TARBP1: variants seen among roughly 807,000 people sequenced by gnomAD.
TARBP1 encodes tRNA (guanosine(18)-2'-O)-methyltransferase TARBP1.
In TARBP1, 144 loss-of-function variants were observed where a neutral mutation model predicts 178.6. The ratio of observed to expected loss-of-function variants is 0.81; its 90% CI spans 0.70 to 0.93. The LOEUF (loss-of-function observed/expected upper bound fraction) is 0.93, where lower values mean the gene tolerates loss of function less well. TARBP1 is among the 40% of genes least tolerant of loss of function. The probability of loss-of-function intolerance (pLI) is 0.00; values close to 1 mark genes in which losing one functional copy is unlikely to be tolerated. For missense variants in TARBP1, 2,067 were observed against 2,011.7 expected (o/e 1.03, Z -0.53); for synonymous variants, 787 against 781.0 (o/e 1.01, Z -0.13).
chr1:234,435,322 C>A (rs1046442478), intron 13 of TARBP1, among the ~76,000 whole-genome samples: 1 of 151,890 alleles, frequency 6.6e-6, no homozygotes, highest in Non-Finnish European at 1.5e-5. Flanking sequence ...ACTAAAAATA[C>A]AAAAATACAA....
At chr1:234,413,224 A>T (rs1335480009) in intron 22 of TARBP1, among the ~76,000 whole-genome samples, 1 of 152,160 alleles carries the variant, frequency 6.6e-6, no homozygotes, top group Non-Finnish European at 1.5e-5. Flanking sequence ...CAACACACAC[A>T]TCACGAAAAA....
In TARBP1 at chr1:234,418,183, G is replaced by A. The variant is rs12087572; in HGVS notation, c.3606C>T (p.Asn1202=). 2,254 of 1,552,912 alleles carry A rather than the reference G, an allele frequency of 1.5e-3. 28 individuals carry two copies. In the African/African-American group the frequency reaches 0.029, roughly 20 times the overall value. Reference sequence around the variant, plus strand: ...TAAAATATTTTATGGATGCTTGATTGTTGGTGAAACCAGCCTGGAAAATCC... The same window carrying A: ...TAAAATATTTTATGGATGCTTGATTATTGGTGAAACCAGCCTGGAAAATCC... ...IDRIFQAGFT[N]NQASIKYFIE... is the part of the protein sequence containing the mutation. The change falls in exon 22 of 30, where the codon AAC becomes AAT. Residue 1202 remains asparagine, a synonymous_variant. Transcript: ENST00000040877.
rs1312036541 is a variant in TARBP1 at position 234,406,113 on chromosome 1, C to A, written c.3793-14G>T. On this transcript the variant is annotated splice_polypyrimidine_tract_variant and intron_variant, in intron 23 of 29. Coordinates refer to ENST00000040877, the MANE Select transcript of TARBP1 (RefSeq NM_005646.4). ...CAGAATTAGTTTCTGAAAAGAAAGGCAAAAAATTCCTCAAAACACAGACAT... is the reference window on the plus strand; with the variant it reads ...CAGAATTAGTTTCTGAAAAGAAAGGAAAAAAATTCCTCAAAACACAGACAT... 6.2e-7 allele frequency: 1 copy of A among 1,609,518 alleles called. No individual in the cohort carries two copies. The highest frequency in any genetic ancestry group is 1.7e-5 in the Admixed American group (1 of 58,818).
chr1:234,437,532 A>G (rs1180523802), intron 12 of TARBP1, among the ~76,000 whole-genome samples, 160 bp from the exon 13 acceptor site: 2 of 152,346 alleles, frequency 1.3e-5, no homozygotes, highest in East Asian at 3.9e-4. Flanking sequence ...GGGGAAAGCT[A>G]TACTTAATCT....
chr1:234,435,718 A>G (rs1449432747), intron 13 of TARBP1, among the ~76,000 whole-genome samples: 1 of 152,194 alleles, frequency 6.6e-6, no homozygotes, highest in African/African-American at 2.4e-5. Context: ...ACATCTGGCA[A>G]CTGGAAATTG....
chr1:234,398,344 C>A, intron 26 of TARBP1, 38 bp downstream of exon 26: 2 of 1,531,010 alleles, frequency 1.3e-6, no homozygotes, highest in Non-Finnish European at 1.8e-6. Context: ...CTAACCAGAT[C>A]AACAAGGGGA....
chr1:234,398,509 A>T lies in TARBP1; in HGVS notation c.4116T>A (p.Asp1372Glu). ...ILPRLSGLIE[D>E]EWITIDKFTR... ...TAAATTTATCAATGGTGATCCATTC[A>T]TCTTCAATAAGGCCTGAAAGGCGTG... Residue 1372 changes from aspartate to glutamate, a missense_variant, in exon 26 of 30, where the codon GAT becomes GAA. Transcript: ENST00000040877. 6.2e-7 allele frequency: 1 copy of T among 1,609,660 alleles called. No homozygotes were observed.
At chr1:234,435,655 G>T (rs932718047) in intron 13 of TARBP1, among the ~76,000 whole-genome samples, 1 of 152,170 alleles carries the variant, frequency 6.6e-6, no homozygotes, top group Non-Finnish European at 1.5e-5. Context: ...TGTAACAAAG[G>T]GAAGACAGGG....
chr1:234,396,224 G>A lies in TARBP1; in HGVS notation c.4243+2158C>T, dbSNP rs551205348. Among the ~76,000 whole-genome samples, 13 of 152,224 alleles carry A rather than the reference G, an allele frequency of 8.5e-5. No individual in the cohort carries two copies. In the South Asian group the frequency reaches 1.9e-3, roughly 22 times the overall value. ...CAGTAACACTGTATTTCCCTGCTCC[G>A]CTTTACGCAGAACTCGACAGCTGCC... On this transcript the variant is annotated intron_variant, in intron 26 of 29. Transcript: ENST00000040877.
rs764943082 is a variant in TARBP1, at chr1:234,391,684, G to C, written c.4759C>G (p.Pro1587Ala). 8 of 1,613,750 alleles carry C rather than the reference G, an allele frequency of 5.0e-6. No homozygotes were observed. The South Asian group carries it at 8.8e-5, about 18-fold the overall frequency. ...IQQLDVCVEI[P>A]QQGIIRSLNV... is the part of the protein sequence containing the mutation. The stretch of plus-strand genomic sequence containing the variant: ...AGGGAGCGGATAATGCCCTGTTGAG[G>C]AATTTCCACACAAACGTCCAACTGT... The change falls in exon 30 of 30, where the codon CCT (proline) becomes GCT (alanine). Residue 1587 changes from proline (P) to alanine (A), a missense_variant. Pro to Ala is a conservative substitution (Grantham distance 27). Coordinates refer to ENST00000040877, the MANE Select transcript of TARBP1 (RefSeq NM_005646.4).
At chr1:234,412,371 G>A (rs1048593486) in intron 22 of TARBP1, among the ~76,000 whole-genome samples, 2 of 148,232 alleles carry the variant, frequency 1.3e-5, no homozygotes, top group Non-Finnish European at 3.0e-5. Flanking sequence ...GCAGTGAGCC[G>A]AGATCACACC....
At chr1:234,458,754 G>T (rs551247746) in intron 8 of TARBP1, among the ~76,000 whole-genome samples, 1 of 152,278 alleles carries the variant, frequency 6.6e-6, no homozygotes, top group South Asian at 2.1e-4. Flanking sequence ...CAAGGCATAC[G>T]CTCCAAGAGT....
Position 234,478,494 on chromosome 1 carries a change from C to A in TARBP1, c.610G>T (p.Gly204Trp). The A allele has an allele frequency of 7.2e-7, 1 of 1,391,732 alleles. No homozygotes were observed. Among genetic ancestry groups the A allele is most frequent in the Non-Finnish European group, 9.3e-7 (1 of 1,070,040 alleles). The allele number at this position is 1,391,732 out of a possible 1,614,324, so 86.2% of individuals were successfully genotyped here. Residue 204 changes from glycine to tryptophan, a missense_variant, in exon 1 of 30, where the codon GGG (glycine) becomes TGG (tryptophan). Transcript: ENST00000040877. ...RLLPVLVQCG[G>W]AALRAVWGGL... ...CCCCACACGGCCCGCAGCGCCGCCCCGCCACATTGGACCAGCACTGGCAGC... is the reference window on the plus strand; with the variant it reads ...CCCCACACGGCCCGCAGCGCCGCCCAGCCACATTGGACCAGCACTGGCAGC...
intron 17 of TARBP1, among the ~76,000 whole-genome samples, chr1:234,428,638 T>C (rs1664044433): frequency 6.6e-6 from 1 of 151,930 alleles, no homozygotes; most frequent in Non-Finnish European, 1.5e-5. Context: ...CACCGCCTCC[T>C]GGGTTCAAGC....
intron 4 of TARBP1, among the ~76,000 whole-genome samples, chr1:234,465,991 A>C (rs1668395408): frequency 6.6e-6 from 1 of 152,190 alleles, no homozygotes; most frequent in Admixed American, 6.5e-5. Context: ...AAGGAAGCCA[A>C]AGAAGAAACA....
At chr1:234,468,268 C>T (rs1018774754) in intron 3 of TARBP1, among the ~76,000 whole-genome samples, 4 of 152,000 alleles carry the variant, frequency 2.6e-5, no homozygotes, top group African/African-American at 9.7e-5. Flanking sequence ...GCCTGGCCAA[C>T]ATGGCAAAAC....
intron 11 of TARBP1, among the ~76,000 whole-genome samples, chr1:234,447,345 C>CCAAA (rs1666285037): frequency 1.0e-5 from 1 of 100,336 alleles, no homozygotes; most frequent in African/African-American, 3.6e-5. Context: ...TTTAAAAATC[C>CCAAA]AAAAAAAAAA....
In TARBP1 at chr1:234,414,238, A is replaced by G. The variant is rs141867825; in HGVS notation, c.3706-3707T>C. On this transcript the variant is annotated intron_variant, in intron 22 of 29. Transcript: ENST00000040877. ...AATGCATGGACATGGCTGTGTTCCA[A>G]TATAACTCTGCCAGCCCAAATTTGG... 9.5e-3 allele frequency among the ~76,000 whole-genome samples: 1,449 copies of G among 152,270 alleles called. 23 individuals are homozygous for G. Among genetic ancestry groups the G allele is most frequent in the African/African-American group, 0.033 (1,351 of 41,532 alleles).
chr1:234,467,045 GA>G (rs1439114846), intron 4 of TARBP1, among the ~76,000 whole-genome samples: 1 of 152,120 alleles, frequency 6.6e-6, no homozygotes, highest in Admixed American at 6.6e-5. Flanking sequence ...CTGACAAATG[GA>G]AGTACAGATT....
Sources: allele counts gnomAD v4.1 joint callset (sites outside exome capture counted in the v4.1 genomes callset), GRCh38; gene constraint gnomAD v4.1.1; transcripts MANE v1.5; gene names NCBI Gene and HGNC (gene_info 2026-07-23, HGNC 2026-07-21).